Variants in USP34 observed in about 807,000 individuals in gnomAD.
USP34 encodes the protein ubiquitin specific peptidase 34, also known as ubiquitin carboxyl-terminal hydrolase 34.
Under a neutral mutation model 460.3 loss-of-function variants are expected in USP34, and 70 were observed. The observed-to-expected ratio is 0.15, with a 90% confidence interval of 0.13 to 0.19. The LOEUF (loss-of-function observed/expected upper bound fraction) is 0.19. Ranked by LOEUF, USP34 falls within the 10% of genes least tolerant of loss-of-function variation. USP34 has a pLI of 1.00. For missense variants in USP34, 3,985 were observed against 4,236.2 expected, an observed-to-expected ratio of 0.94 and a Z score of 1.65; for synonymous variants, 1,647 against 1,405.3, an observed-to-expected ratio of 1.17 and a Z score of -3.85.
intron 41 of USP34, among the ~76,000 whole-genome samples, chr2:61,273,219 G>C (rs557141544): frequency 1.3e-5 from 2 of 152,194 alleles, no homozygotes; most frequent in South Asian, 4.2e-4. Context: ...AAAACGATTG[G>C]CTTTGCATAA....
At chr2:61,199,289 CT>C in intron 75 of USP34, among the ~76,000 whole-genome samples, 1 of 151,686 alleles carries the variant, frequency 6.6e-6, no homozygotes, top group East Asian at 1.9e-4. Context: ...GAGTTTCACT[CT>C]TGTCACCCAG....
chr2:61,433,382 C>G (rs1453706910), intron 1 of USP34, among the ~76,000 whole-genome samples: 11 of 152,174 alleles, frequency 7.2e-5, no homozygotes, highest in Admixed American at 6.5e-4. Context: ...GCCTGTAATC[C>G]CAGCACTTTG....
rs1033053700 is a variant in USP34, at chr2:61,299,023, A to C, written c.4128+1928T>G. ...TCCCCCTCCTCACATTATTCCCCTA[A>C]TACATGGAACAGAACACCAGCACTA... On this transcript the variant is annotated intron_variant, in intron 29 of 79. Transcript: ENST00000398571. Among the ~76,000 whole-genome samples, 4 of 152,090 alleles carry C rather than the reference A, an allele frequency of 2.6e-5. No homozygotes were observed. The South Asian group carries it at 8.3e-4, about 32-fold the overall frequency.
chr2:61,294,748 C>T (rs1047863151), intron 32 of USP34, among the ~76,000 whole-genome samples: 2 of 152,100 alleles, frequency 1.3e-5, no homozygotes, highest in African/African-American at 2.4e-5. Context: ...GAGGGAAAAT[C>T]AGAGCTAAAA....
At chr2:61,302,886 A>G (rs1284077698) in intron 27 of USP34, among the ~76,000 whole-genome samples, 1 of 152,190 alleles carries the variant, frequency 6.6e-6, no homozygotes, top group East Asian at 1.9e-4. Context: ...AGATAACTTC[A>G]CAGTAATTTC....
intron 65 of USP34, among the ~76,000 whole-genome samples, chr2:61,222,333 A>T (rs558112365): frequency 2.2e-4 from 33 of 152,336 alleles, no homozygotes; most frequent in African/African-American, 7.9e-4. Flanking sequence ...TTCTTTGGGC[A>T]CAATTAGGAT....
rs145978674 is a variant in USP34 at position 61,305,867 on chromosome 2, G to C, written c.3818-4413C>G. Among the ~76,000 whole-genome samples the C allele has an allele frequency of 1.7e-3, 265 of 152,072 alleles. 1 individual carries two copies. In the East Asian group the frequency reaches 0.022, roughly 13 times the overall value. The stretch of plus-strand genomic sequence containing the variant: ...AAACTTTGCAAGCCAAATAATAACA[G>C]AACAACAATTTTAAAGTTCTAAAAC... On this transcript the variant is annotated intron_variant, in intron 27 of 79. Transcript: ENST00000398571.
chr2:61,251,194 G>C (rs1688572393), intron 48 of USP34, among the ~76,000 whole-genome samples: 1 of 151,920 alleles, frequency 6.6e-6, no homozygotes, highest in Non-Finnish European at 1.5e-5. Context: ...GTAAAAACTT[G>C]GTAGTAAATT....
At chr2:61,459,851 G>A (rs1257532515) in intron 1 of USP34, among the ~76,000 whole-genome samples, 1 of 151,180 alleles carries the variant, frequency 6.6e-6, no homozygotes, top group Non-Finnish European at 1.5e-5. Flanking sequence ...CCTGAGGTCA[G>A]GAGATCAAGA....
intron 35 of USP34, 141 bp from the exon 36 acceptor site, chr2:61,283,590 TGAGAGTGAGA>T (rs1252983539): frequency 5.4e-6 from 4 of 738,924 alleles, no homozygotes; most frequent in Non-Finnish European, 8.7e-6. Flanking sequence ...AGAGTGAGAG[TGAGAGTGAGA>T]GAGAGTGTGA....
chr2:61,412,903 AAG>A (rs1194803881), intron 2 of USP34, among the ~76,000 whole-genome samples: 2 of 151,650 alleles, frequency 1.3e-5, no homozygotes, highest in East Asian at 3.9e-4. Flanking sequence ...AAAAAAAAAA[AAG>A]AGAGAATATG....
At chr2:61,401,078 G>T (rs572037452) in intron 3 of USP34, among the ~76,000 whole-genome samples, 1 of 147,852 alleles carries the variant, frequency 6.8e-6, no homozygotes, top group South Asian at 2.1e-4. Flanking sequence ...CTGAACCCAG[G>T]AGGCAGAGGT....
intron 2 of USP34, among the ~76,000 whole-genome samples, chr2:61,412,729 A>T (rs1318285994): frequency 6.6e-6 from 1 of 151,868 alleles, no homozygotes; most frequent in African/African-American, 2.4e-5. Context: ...TTTCTACAAT[A>T]AAAAAATATA....
intron 20 of USP34, among the ~76,000 whole-genome samples, chr2:61,330,873 A>G (rs1241967727): frequency 6.6e-6 from 1 of 152,174 alleles, no homozygotes; most frequent in Admixed American, 6.5e-5. Context: ...CTAGTATGCA[A>G]TTATAATAAA....
rs1400131958 is a variant in USP34, at chr2:61,206,957, C to T, written c.8920-71G>A. ...TACTGAGCCACAAAATGGTAGTACTCGTCCTCTACGATAGATGTTTTCAGA... is the reference window on the plus strand; with the variant it reads ...TACTGAGCCACAAAATGGTAGTACTTGTCCTCTACGATAGATGTTTTCAGA... On this transcript the variant is annotated intron_variant, in intron 70 of 79. Transcript: ENST00000398571. 13 of 1,493,296 alleles carry T rather than the reference C, an allele frequency of 8.7e-6. No homozygotes were observed. In the East Asian group the frequency reaches 9.3e-5, roughly 11 times the overall value. 92.5% of individuals were successfully genotyped at this position (1,493,296 alleles called of 1,614,324 possible).
rs890065041 is a variant in USP34, at chr2:61,236,571, G to C, written c.6778-182C>G. On this transcript the variant is annotated intron_variant, in intron 53 of 79. Coordinates refer to ENST00000398571, the MANE Select transcript of USP34 (RefSeq NM_014709.4). Reference sequence around the variant, plus strand: ...TATAAATGGTTGCTACTAATATTTTGTAATTATTAATACTTATCTGGCTAC... The same window carrying C: ...TATAAATGGTTGCTACTAATATTTTCTAATTATTAATACTTATCTGGCTAC... 2.9e-4 allele frequency among the ~76,000 whole-genome samples: 44 copies of C among 151,980 alleles called. No homozygotes were observed. In the East Asian group the frequency reaches 3.1e-3, roughly 11 times the overall value.
intron 27 of USP34, among the ~76,000 whole-genome samples, chr2:61,302,945 A>T (rs996658311): frequency 1.3e-5 from 2 of 152,260 alleles, no homozygotes; most frequent in Non-Finnish European, 2.9e-5. Flanking sequence ...AGAACATTTT[A>T]AAAAATAAAT....
intron 27 of USP34, among the ~76,000 whole-genome samples, chr2:61,305,814 G>C (rs1690385697): frequency 6.6e-6 from 1 of 151,784 alleles, no homozygotes; most frequent in South Asian, 2.1e-4. Context: ...AAGGACAAAA[G>C]ATAAGGAAAA....
chr2:61,383,793 T>G (rs1048232514), intron 5 of USP34, among the ~76,000 whole-genome samples: 4 of 152,178 alleles, frequency 2.6e-5, no homozygotes, highest in African/African-American at 7.2e-5. Flanking sequence ...TTATCAATTA[T>G]GAAAAGAGTA....
Sources: allele counts gnomAD v4.1 joint callset (sites outside exome capture counted in the v4.1 genomes callset), GRCh38; gene constraint gnomAD v4.1.1; transcripts MANE v1.5; gene names NCBI Gene and HGNC (gene_info 2026-07-23, HGNC 2026-07-21).